The following GRID2 variants were observed in gnomAD, a reference collection of about 807,000 sequenced individuals.
The protein encoded by GRID2 is glutamate receptor ionotropic, delta-2.
In GRID2, 33 loss-of-function variants were observed where a neutral mutation model predicts 114.8. That is an observed-to-expected ratio of 0.29 (90% CI 0.22 to 0.38). GRID2 has a LOEUF of 0.38. Among genes scored for constraint, GRID2 ranks in the 10% least tolerant of loss-of-function variants. The pLI is 1.00. For synonymous variants in GRID2, 505 were observed against 449.9 expected, an observed-to-expected ratio of 1.12 and a Z score of -1.55; for missense variants, 1,184 against 1,257.7, an observed-to-expected ratio of 0.94 and a Z score of 0.89.
At chr4:93,492,808 TG>T (rs1727147056) in intron 12 of GRID2, among the ~76,000 whole-genome samples, 1 of 151,844 alleles carries the variant, frequency 6.6e-6, no homozygotes, top group Admixed American at 6.6e-5. Flanking sequence ...GTGAAATAAT[TG>T]ACACAATCAA....
intron 13 of GRID2, among the ~76,000 whole-genome samples, chr4:93,575,175 G>A (rs1736297020): frequency 6.6e-6 from 1 of 152,134 alleles, no homozygotes. Context: ...CAATGTGTGA[G>A]GTGACAACAC....
At chr4:92,873,807 T>C (rs900405884) in intron 2 of GRID2, among the ~76,000 whole-genome samples, 5 of 152,076 alleles carry the variant, frequency 3.3e-5, no homozygotes, top group African/African-American at 1.2e-4. Context: ...TTCCACCTCC[T>C]GGGTTCAAGC....
At chr4:93,017,186 G>A (rs1038763964) in intron 2 of GRID2, among the ~76,000 whole-genome samples, 1 of 152,090 alleles carries the variant, frequency 6.6e-6, no homozygotes, top group African/African-American at 2.4e-5. Context: ...GCAAAACCAA[G>A]AATAGGAATG....
chr4:93,020,696 T>G (rs1723192810), intron 2 of GRID2, among the ~76,000 whole-genome samples: 1 of 152,164 alleles, frequency 6.6e-6, no homozygotes, highest in African/African-American at 2.4e-5. Flanking sequence ...CAACTTTTCT[T>G]TATTACCCAA....
chr4:92,938,325 C>A (rs1750820821), intron 2 of GRID2, among the ~76,000 whole-genome samples: 1 of 146,272 alleles, frequency 6.8e-6, no homozygotes, highest in Non-Finnish European at 1.5e-5. Flanking sequence ...TTCTTTATGG[C>A]CCATCTTTCT....
intron 2 of GRID2, among the ~76,000 whole-genome samples, chr4:92,764,057 C>T (rs1277254628): frequency 2.0e-5 from 3 of 152,132 alleles, no homozygotes; most frequent in Non-Finnish European, 4.4e-5. Context: ...CCATCTGGTT[C>T]CCTCTTTATT....
At chr4:92,548,800 CT>C (rs1175443244) in intron 1 of GRID2, among the ~76,000 whole-genome samples, 1 of 151,994 alleles carries the variant, frequency 6.6e-6, no homozygotes, top group Non-Finnish European at 1.5e-5. Flanking sequence ...CCTTAGGAAA[CT>C]TTCATTCGTG....
chr4:93,285,430 CAT>C lies in GRID2; in HGVS notation c.1245+46941_1245+46942del, dbSNP rs535767705. Among the ~76,000 whole-genome samples the C allele has an allele frequency of 1.6e-4, 25 of 152,046 alleles. No homozygotes were observed. In the South Asian group the frequency reaches 1.7e-3, roughly 10 times the overall value. Reference sequence around the variant, plus strand: ...ATCATGAAAAAGGAAAAAAATAAAACATGTGCATTAAAAAATAAGAAATATCA... The same window carrying C: ...ATCATGAAAAAGGAAAAAAATAAAACGTGCATTAAAAAATAAGAAATATCA... On this transcript the variant is annotated intron_variant, in intron 8 of 15. Transcript: ENST00000282020.
chr4:92,600,072 A>G (rs865992405), intron 2 of GRID2, among the ~76,000 whole-genome samples: 2,144 of 134,296 alleles, frequency 0.016, 146 homozygotes, highest in African/African-American at 0.055. Context: ...ATATATATAT[A>G]TATATATATA....
rs775468685 is a variant in GRID2, at chr4:93,455,690, C to T, written c.1574C>T (p.Thr525Ile). ...KRADIGISAL[T>I]ITPDRENVVD... ...GCCGACATAGGGATTTCTGCTTTAA[C>T]CATCACTCCAGATCGTGAAAATGTG... Residue 525 changes from threonine to isoleucine, a missense_variant, in exon 11 of 16, where the codon ACC becomes ATC. This residue lies in a region of GRID2 where 717 missense variants were observed against 796.9 expected (regional missense o/e 0.90). Coordinates refer to ENST00000282020, the MANE Select transcript of GRID2 (RefSeq NM_001510.4). 3 of 1,612,208 alleles carry T rather than the reference C, an allele frequency of 1.9e-6. No individual in the cohort carries two copies. The Admixed American group carries it at 5.0e-5, about 27-fold the overall frequency.
intron 13 of GRID2, among the ~76,000 whole-genome samples, chr4:93,552,367 T>C (rs1333312118): frequency 1.3e-5 from 2 of 152,158 alleles, no homozygotes; most frequent in African/African-American, 2.4e-5. Flanking sequence ...TATAGCAGCA[T>C]GTTTTATAAT....
At chr4:92,641,290 CT>C (rs1392567712) in intron 2 of GRID2, among the ~76,000 whole-genome samples, 1 of 137,312 alleles carries the variant, frequency 7.3e-6, no homozygotes, top group Non-Finnish European at 1.6e-5. Flanking sequence ...CTTTTTGTTA[CT>C]TTATTAAATT....
At chr4:93,378,956 G>T (rs1763614485) in intron 8 of GRID2, among the ~76,000 whole-genome samples, 1 of 152,074 alleles carries the variant, frequency 6.6e-6, no homozygotes, top group East Asian at 1.9e-4. Flanking sequence ...TGTATATAGA[G>T]GTCCAAGATT....
chr4:92,754,879 C>A (rs185628777), intron 2 of GRID2, among the ~76,000 whole-genome samples: 2 of 152,192 alleles, frequency 1.3e-5, no homozygotes, highest in East Asian at 1.9e-4. Context: ...TATTTTATAT[C>A]TCATTTTCAT....
intron 4 of GRID2, among the ~76,000 whole-genome samples, chr4:93,142,481 A>G (rs1735866930): frequency 6.6e-6 from 1 of 152,062 alleles, no homozygotes; most frequent in South Asian, 2.1e-4. Flanking sequence ...CTCTCTTATA[A>G]GTACACTACA....
intron 2 of GRID2, among the ~76,000 whole-genome samples, chr4:92,650,673 C>A (rs2149261430): frequency 6.6e-6 from 1 of 151,872 alleles, no homozygotes; most frequent in Admixed American, 6.6e-5. Context: ...ACTCTTCTTT[C>A]TGGAAATGAG....
chr4:93,739,085 C>T (rs986663768), intron 14 of GRID2, among the ~76,000 whole-genome samples: 2 of 152,036 alleles, frequency 1.3e-5, no homozygotes, highest in African/African-American at 2.4e-5. Context: ...ACTGACTGAC[C>T]TCAGGGGATG....
chr4:93,309,307 G>T (rs768350967), intron 8 of GRID2, among the ~76,000 whole-genome samples: 32 of 152,144 alleles, frequency 2.1e-4, no homozygotes, highest in South Asian at 6.2e-4. Context: ...GGCCAAAGCA[G>T]GTGGATCACT....
At chr4:92,862,807 A>T (rs945016581) in intron 2 of GRID2, among the ~76,000 whole-genome samples, 3 of 152,086 alleles carry the variant, frequency 2.0e-5, no homozygotes, top group African/African-American at 7.2e-5. Context: ...TTAGATAGTA[A>T]CTGCAAGTAA....
Sources: allele counts gnomAD v4.1 joint callset (sites outside exome capture counted in the v4.1 genomes callset), GRCh38; gene constraint gnomAD v4.1.1; regional missense constraint gnomAD v4.1.1; transcripts MANE v1.5; gene names NCBI Gene and HGNC (gene_info 2026-07-23, HGNC 2026-07-21).